CDYL: variants seen among roughly 807,000 people sequenced by gnomAD.
CDYL encodes chromodomain Y like.
A neutral mutation model predicts 47.3 loss-of-function variants in CDYL; 8 were observed. That is an observed-to-expected ratio of 0.17 (90% confidence interval 0.10 to 0.31). The LOEUF is 0.31. Among genes scored for constraint, CDYL ranks in the 10% least tolerant of loss-of-function variants. The pLI, the probability that CDYL is intolerant of heterozygous loss-of-function variation, is 1.00. For missense variants in CDYL, 471 were observed against 701.4 expected (o/e 0.67, Z 3.71); for synonymous variants, 266 against 265.0 (o/e 1.00, Z -0.04).
intron 1 of CDYL, among the ~76,000 whole-genome samples, chr6:4,848,602 A>G (rs1304485994): frequency 6.6e-6 from 1 of 152,250 alleles, no homozygotes; most frequent in South Asian, 2.1e-4. Flanking sequence ...CGAAAGTTAA[A>G]TTCAATGAAA....
chr6:4,856,522 C>T lies in CDYL; in HGVS notation c.25-35191C>T, dbSNP rs147739978. On this transcript the variant is annotated intron_variant, in intron 1 of 6. Coordinates refer to ENST00000397588, the MANE Select transcript of CDYL (RefSeq NM_004824.4). ...GGGACCTTTTGGTTGTGCCAGGCAG[C>T]CTGAGGGTGGCAGGGTAGAAGCAGG... Among the ~76,000 whole-genome samples the T allele has an allele frequency of 7.9e-5, 12 of 152,250 alleles. No homozygotes were observed. The East Asian group carries it at 2.3e-3, about 29-fold the overall frequency.
At chr6:4,711,070 C>T (rs1757143969) in intron 1 of CDYL, among the ~76,000 whole-genome samples, 1 of 152,082 alleles carries the variant, frequency 6.6e-6, no homozygotes, top group Admixed American at 6.6e-5. Context: ...GAAATAAGAC[C>T]TTCGAGTCGG....
intron 3 of CDYL, among the ~76,000 whole-genome samples, chr6:4,735,061 C>T (rs138743596): frequency 0.01 from 1,572 of 151,962 alleles, 26 homozygotes; most frequent in African/African-American, 0.036. Flanking sequence ...CCGAGGCAGG[C>T]GGATCAGCTG....
At chr6:4,743,236 G>A (rs890611221) in intron 3 of CDYL, among the ~76,000 whole-genome samples, 1 of 152,136 alleles carries the variant, frequency 6.6e-6, no homozygotes, top group African/African-American at 2.4e-5. Flanking sequence ...GAAGATGCTC[G>A]GAAAGTGCCT....
chr6:4,835,913 T>A (rs1429350039), intron 1 of CDYL, among the ~76,000 whole-genome samples: 1 of 150,840 alleles, frequency 6.6e-6, no homozygotes, highest in Non-Finnish European at 1.5e-5. Flanking sequence ...TGGTGCGCCA[T>A]TTTTTAAGCC....
At chr6:4,830,205 G>A (rs77971106) in intron 1 of CDYL, among the ~76,000 whole-genome samples, 4,056 of 152,284 alleles carry the variant, frequency 0.027, 185 homozygotes, top group African/African-American at 0.092. Context: ...GCTTATCACC[G>A]CACTACCCAT....
intron 2 of CDYL, among the ~76,000 whole-genome samples, chr6:4,927,230 G>A (rs1757901374): frequency 1.3e-5 from 2 of 152,106 alleles, no homozygotes; most frequent in South Asian, 2.1e-4. Flanking sequence ...AGAATTATAA[G>A]GGCAGGGGTT....
At chr6:4,731,894 G>C (rs1471089882) in intron 2 of CDYL, among the ~76,000 whole-genome samples, 1 of 152,082 alleles carries the variant, frequency 6.6e-6, no homozygotes, top group Non-Finnish European at 1.5e-5. Flanking sequence ...GTAATCTGTG[G>C]AAGGAGGGGG....
Position 4,943,642 on chromosome 6 carries a change from C to T in CDYL, c.1218C>T (p.Cys406=), listed in dbSNP as rs780162299. Residue 406 remains cysteine, a synonymous_variant, in exon 5 of 7, where the codon TGC becomes TGT. Transcript: ENST00000397588. ...IGLGASILPL[C]DVVWANEKAW... is the part of the protein sequence containing the mutation. ...TAGGAGCATCTATATTGCCTCTTTG[C>T]GATGTGGTTTGGGCTAATGAAAAGG... 6 of 1,613,842 alleles carry T rather than the reference C, an allele frequency of 3.7e-6. No homozygotes were observed. Among genetic ancestry groups the T allele is most frequent in the East Asian group, 2.2e-5 (1 of 44,874 alleles).
At chr6:4,742,005 A>G (rs1050861154) in intron 3 of CDYL, among the ~76,000 whole-genome samples, 2 of 152,196 alleles carry the variant, frequency 1.3e-5, no homozygotes, top group South Asian at 2.1e-4. Flanking sequence ...CTACATTTAC[A>G]TGCAATATAA....
chr6:4,723,739 G>A (rs1757421133), intron 2 of CDYL, among the ~76,000 whole-genome samples: 1 of 152,190 alleles, frequency 6.6e-6, no homozygotes, highest in Non-Finnish European at 1.5e-5. Flanking sequence ...GAGTCTGAAG[G>A]CACACAAACA....
In CDYL at chr6:4,954,773, A is replaced by G. The variant is rs1242973687; in HGVS notation, c.*717A>G. 1 of 152,250 alleles carries G rather than the reference A, an allele frequency of 6.6e-6. No individual in the cohort carries two copies. The highest frequency in any genetic ancestry group is 2.4e-5 in the African/African-American group (1 of 41,472). 9.4% of individuals were successfully genotyped at this position (152,250 alleles called of 1,614,324 possible). On this transcript the variant is annotated 3_prime_UTR_variant, in exon 7 of 7. Transcript: ENST00000397588. Reference sequence around the variant, plus strand: ...TCTAGAAGAAAGCTTGTTTTGCAGTATTAGTGAATCACTGAATAGCTTAAG... The same window carrying G: ...TCTAGAAGAAAGCTTGTTTTGCAGTGTTAGTGAATCACTGAATAGCTTAAG...
At chr6:4,836,246 A>C (rs1760302543) in intron 1 of CDYL, 1 of 985,410 alleles carries the variant, frequency 1.0e-6, no homozygotes, top group Non-Finnish European at 1.2e-6. Context: ...TTAGGTTTCT[A>C]AGTCAGCCAC....
Position 4,782,714 on chromosome 6 carries a change from C to G in CDYL, c.24+5907C>G, listed in dbSNP as rs182580842. Reference sequence around the variant, plus strand: ...GAGGGAGAGAATCAAGAGCTTTCATCTGATTCTCAGAGGGATATAGGACCC... The same window carrying G: ...GAGGGAGAGAATCAAGAGCTTTCATGTGATTCTCAGAGGGATATAGGACCC... On this transcript the variant is annotated intron_variant, in intron 1 of 6. Coordinates refer to ENST00000397588, the MANE Select transcript of CDYL (RefSeq NM_004824.4). Among the ~76,000 whole-genome samples the G allele has an allele frequency of 5.9e-5, 9 of 152,290 alleles. No homozygotes were observed. In the East Asian group the frequency reaches 1.7e-3, roughly 29 times the overall value.
chr6:4,792,969 G>A (rs1758966636), intron 1 of CDYL, among the ~76,000 whole-genome samples: 2 of 152,152 alleles, frequency 1.3e-5, no homozygotes, highest in Non-Finnish European at 2.9e-5. Context: ...TGTCATAGAT[G>A]TTTCCATCCA....
chr6:4,796,020 T>C (rs233478), intron 1 of CDYL, among the ~76,000 whole-genome samples: 13,862 of 152,098 alleles, frequency 0.091, 2,080 homozygotes, highest in African/African-American at 0.32. Flanking sequence ...GGTGCAGTGG[T>C]GTGATCTAGG....
chr6:4,896,412 G>A (rs1330249856), intron 2 of CDYL, among the ~76,000 whole-genome samples: 2 of 152,200 alleles, frequency 1.3e-5, no homozygotes, highest in African/African-American at 2.4e-5. Flanking sequence ...TGCCTGCCGT[G>A]TAGTCGGTGC....
At chr6:4,753,341 C>T (rs1489599389) in intron 3 of CDYL, among the ~76,000 whole-genome samples, 1 of 152,186 alleles carries the variant, frequency 6.6e-6, no homozygotes, top group Non-Finnish European at 1.5e-5. Context: ...TATGAGGTAG[C>T]TTTCCTCTTG....
At chr6:4,882,381 A>C (rs1316742162) in intron 1 of CDYL, among the ~76,000 whole-genome samples, 2 of 152,144 alleles carry the variant, frequency 1.3e-5, no homozygotes, top group Non-Finnish European at 2.9e-5. Flanking sequence ...AATGAGGGGA[A>C]ATTGGGGAGA....
Sources: allele counts gnomAD v4.1 joint callset (sites outside exome capture counted in the v4.1 genomes callset), GRCh38; gene constraint gnomAD v4.1.1; transcripts MANE v1.5; gene names NCBI Gene and HGNC (gene_info 2026-07-23, HGNC 2026-07-21).